STX8: variants seen among roughly 807,000 people sequenced by gnomAD.
STX8 encodes the protein syntaxin 8, also known as syntaxin-8.
STX8 carries 23 observed loss-of-function variants against 37.5 expected under a neutral mutation model. That is an observed-to-expected ratio of 0.61 (90% CI 0.44 to 0.87). The LOEUF (loss-of-function observed/expected upper bound fraction) is 0.87. STX8 is among the 40% of genes least tolerant of loss of function. The probability of loss-of-function intolerance (pLI) is 0.00; values close to 1 mark genes in which losing one functional copy is unlikely to be tolerated. For missense variants in STX8, 313 were observed against 284.7 expected, an observed-to-expected ratio of 1.10 and a Z score of -0.71; for synonymous variants, 115 against 99.1, an observed-to-expected ratio of 1.16 and a Z score of -0.95.
intron 4 of STX8, among the ~76,000 whole-genome samples, chr17:9,508,034 G>A (rs563153212): frequency 1.3e-5 from 2 of 152,158 alleles, no homozygotes; most frequent in African/African-American, 4.8e-5. Context: ...AAGGAAACAT[G>A]ACACCTCCAA....
In STX8 at chr17:9,402,916, C is replaced by G. The variant is rs73259820; in HGVS notation, c.542-24263G>C. On this transcript the variant is annotated intron_variant, in intron 6 of 7. Transcript: ENST00000306357. Reference sequence around the variant, plus strand: ...ATACGGAGAATATCCAAGGGTGCTCCATCCCAACTGTGAGCTCATAGCAGA... The same window carrying G: ...ATACGGAGAATATCCAAGGGTGCTCGATCCCAACTGTGAGCTCATAGCAGA... Among the ~76,000 whole-genome samples the G allele has an allele frequency of 8.2e-3, 1,256 of 152,300 alleles. 16 individuals are homozygous for G. The highest frequency in any genetic ancestry group is 0.029 in the African/African-American group (1,209 of 41,540).
At chr17:9,330,871 T>C (rs528992729) in intron 7 of STX8, among the ~76,000 whole-genome samples, 1 of 152,074 alleles carries the variant, frequency 6.6e-6, no homozygotes, top group Admixed American at 6.5e-5. Context: ...CCCGCTTACA[T>C]CTTCAGAGAA....
chr17:9,440,531 T>TTTA (rs1904608181), intron 6 of STX8, among the ~76,000 whole-genome samples: 2 of 151,868 alleles, frequency 1.3e-5, no homozygotes, highest in African/African-American at 4.8e-5. Flanking sequence ...AATGATTTTT[T>TTTA]TTTTTTTTTT....
In STX8 at chr17:9,525,369, C is replaced by T. The variant is rs374020571; in HGVS notation, c.323+19803G>A. ...CTCTTTTCTTTTTTTTTTTTTGAGA[C>T]GGAGTCTCACTCCGTTGCCCAGGCT... is the stretch of plus-strand genomic sequence containing the variant. On this transcript the variant is annotated intron_variant, in intron 4 of 7. Transcript: ENST00000306357. 1.1e-4 allele frequency among the ~76,000 whole-genome samples: 17 copies of T among 148,932 alleles called. No individual in the cohort carries two copies. The East Asian group carries it at 2.4e-3, about 21-fold the overall frequency.
At chr17:9,261,328 G>T (rs1907025673) in intron 7 of STX8, among the ~76,000 whole-genome samples, 1 of 152,212 alleles carries the variant, frequency 6.6e-6, no homozygotes, top group Non-Finnish European at 1.5e-5. Context: ...CACTGCCCTG[G>T]TAAGATTTAC....
At chr17:9,571,420 T>C (rs571840630) in intron 1 of STX8, among the ~76,000 whole-genome samples, 4 of 151,672 alleles carry the variant, frequency 2.6e-5, no homozygotes, top group South Asian at 2.1e-4. Flanking sequence ...CCTGGGGCAA[T>C]AGACAACCTC....
At chr17:9,409,471 C>T (rs947279855) in intron 6 of STX8, among the ~76,000 whole-genome samples, 3 of 152,020 alleles carry the variant, frequency 2.0e-5, no homozygotes, top group South Asian at 2.1e-4. Flanking sequence ...CCTTTATAGC[C>T]GCCTATTTTA....
At chr17:9,558,802 G>A (rs1203645501) in intron 2 of STX8, among the ~76,000 whole-genome samples, 3 of 150,018 alleles carry the variant, frequency 2.0e-5, no homozygotes, top group Admixed American at 6.7e-5. Flanking sequence ...CAGCCTGGGC[G>A]ACAGAGCGAG....
intron 7 of STX8, among the ~76,000 whole-genome samples, chr17:9,354,221 G>A (rs545872502): frequency 9.3e-5 from 14 of 150,654 alleles, no homozygotes; most frequent in South Asian, 8.4e-4. Flanking sequence ...TAACAATTAC[G>A]TTATCATGGC....
intron 6 of STX8, among the ~76,000 whole-genome samples, chr17:9,480,255 A>G (rs8077489): frequency 0.025 from 3,783 of 152,310 alleles, 139 homozygotes; most frequent in African/African-American, 0.084. Context: ...TGCTTAGCAC[A>G]TAATAGGAGT....
chr17:9,447,818 T>C (rs1368568431), intron 6 of STX8, among the ~76,000 whole-genome samples: 2 of 152,204 alleles, frequency 1.3e-5, no homozygotes, highest in East Asian at 3.8e-4. Context: ...TTGAATGATG[T>C]TTGGCATTAA....
intron 6 of STX8, among the ~76,000 whole-genome samples, chr17:9,465,209 C>T (rs963836556): frequency 2.7e-5 from 4 of 150,320 alleles, no homozygotes; most frequent in African/African-American, 2.5e-5. Context: ...TTTTTTTTAA[C>T]TGAGGAAATG....
intron 5 of STX8, among the ~76,000 whole-genome samples, chr17:9,501,468 G>C (rs1402399852): frequency 6.7e-6 from 1 of 148,960 alleles, no homozygotes; most frequent in Non-Finnish European, 1.5e-5. Flanking sequence ...AGGTGGGTGG[G>C]TCACCTGAGG....
At chr17:9,387,428 G>A (rs1912052085) in intron 6 of STX8, among the ~76,000 whole-genome samples, 1 of 152,098 alleles carries the variant, frequency 6.6e-6, no homozygotes, top group African/African-American at 2.4e-5. Context: ...CCCGAGTAAT[G>A]GGACTACAGG....
rs1243851396 is a variant in STX8 at position 9,297,232 on chromosome 17, C to T, written c.644-46587G>A. Among the ~76,000 whole-genome samples, 4 of 128,656 alleles carry T rather than the reference C, an allele frequency of 3.1e-5. No individual in the cohort carries two copies. The South Asian group carries it at 7.3e-4, about 23-fold the overall frequency. The allele number at this position is 128,656 out of a possible 152,430, so 84.4% of individuals were successfully genotyped here. On this transcript the variant is annotated intron_variant, in intron 7 of 7. Transcript: ENST00000306357. ...TGCATACAGTCTGATAGCATATGCC[C>T]AGAGTTTGCAAAAAAAAAAAAAAAA...
At chr17:9,422,859 G>A (rs1913492305) in intron 6 of STX8, among the ~76,000 whole-genome samples, 1 of 152,224 alleles carries the variant, frequency 6.6e-6, no homozygotes, top group African/African-American at 2.4e-5. Flanking sequence ...TTGTATTAAT[G>A]ATCACTGAAG....
At chr17:9,464,421 C>T (rs767374601) in intron 6 of STX8, among the ~76,000 whole-genome samples, 3 of 152,162 alleles carry the variant, frequency 2.0e-5, no homozygotes, top group Admixed American at 6.5e-5. Context: ...AAAATTAGCT[C>T]CATGCATTAC....
intron 7 of STX8, among the ~76,000 whole-genome samples, chr17:9,333,563 ATT>A (rs562547848): frequency 0.022 from 3,269 of 151,742 alleles, 66 homozygotes; most frequent in Non-Finnish European, 0.032. Flanking sequence ...AATATTTTGT[ATT>A]TTTTTAGTAG....
chr17:9,391,042 T>C (rs1269827412), intron 6 of STX8, among the ~76,000 whole-genome samples: 1 of 152,176 alleles, frequency 6.6e-6, no homozygotes, highest in East Asian at 1.9e-4. Context: ...TTCTTGGATA[T>C]GCTAATGACA....
Sources: gnomAD v4.1 joint callset for allele counts (sites outside exome capture counted in the v4.1 genomes callset) on GRCh38, gnomAD v4.1.1 for gene constraint, MANE v1.5 for transcripts, NCBI Gene and HGNC (gene_info 2026-07-23, HGNC 2026-07-21) for gene names.